The following ZNF346 variants were observed in gnomAD, a reference collection of about 807,000 sequenced individuals.
ZNF346 encodes double-stranded RNA-binding zinc finger protein JAZ.
ZNF346 carries 23 observed loss-of-function variants against 33.7 expected under a neutral mutation model. The observed-to-expected ratio is 0.68, with a 90% CI of 0.49 to 0.97. The LOEUF is 0.97. ZNF346 is among the 50% of genes least tolerant of loss of function. The pLI is 0.00. For synonymous variants in ZNF346, 134 were observed against 142.4 expected, an observed-to-expected ratio of 0.94 and a Z score of 0.42; for missense variants, 340 against 371.1, an observed-to-expected ratio of 0.92 and a Z score of 0.69.
intron 5 of ZNF346, among the ~76,000 whole-genome samples, chr5:177,055,546 C>T (rs1781558473): frequency 1.3e-5 from 2 of 152,146 alleles, no homozygotes; most frequent in Non-Finnish European, 2.9e-5. Context: ...TCCAAAGGAT[C>T]TGTTTCTGAT....
At chr5:177,046,251 A>T (rs547605676) in intron 4 of ZNF346, among the ~76,000 whole-genome samples, 236 of 150,094 alleles carry the variant, frequency 1.6e-3, no homozygotes, top group Non-Finnish European at 3.0e-3. Flanking sequence ...CAGTGAGCTG[A>T]GATCGCACCA....
intron 1 of ZNF346, among the ~76,000 whole-genome samples, chr5:177,038,256 G>GTTTTTT (rs748931641): frequency 2.3e-5 from 3 of 132,222 alleles, no homozygotes; most frequent in Non-Finnish European, 4.8e-5. Context: ...GCCCAACTAC[G>GTTTTTT]TTTTTTTTTT....
chr5:177,073,379 T>C (rs574515490), intron 8 of ZNF346, among the ~76,000 whole-genome samples: 1 of 152,278 alleles, frequency 6.6e-6, no homozygotes, highest in South Asian at 2.1e-4. Flanking sequence ...ACACAGCTCA[T>C]TGCAGCCTCG....
chr5:177,062,913 A>C (rs985270861), intron 6 of ZNF346, among the ~76,000 whole-genome samples: 6 of 152,208 alleles, frequency 3.9e-5, no homozygotes, highest in African/African-American at 1.4e-4. Context: ...TGTCTGGCTC[A>C]CAGCATGCTC....
chr5:177,034,400 G>T (rs772121246), intron 1 of ZNF346, among the ~76,000 whole-genome samples: 2 of 151,574 alleles, frequency 1.3e-5, no homozygotes, highest in Non-Finnish European at 1.5e-5. Flanking sequence ...ATCTTTTTTG[G>T]TTTTTTGTAA....
At chr5:177,068,121 C>T (rs1325551303), downstream of ZNF346, among the ~76,000 whole-genome samples, 1 of 144,204 alleles carries the variant, frequency 6.9e-6, no homozygotes, top group African/African-American at 2.9e-5. Context: ...CCACATGGCC[C>T]CTGCAGCCTG....
intron 1 of ZNF346, among the ~76,000 whole-genome samples, chr5:177,040,447 C>T (rs186697398): frequency 8.5e-5 from 13 of 152,236 alleles, no homozygotes; most frequent in African/African-American, 3.1e-4. Context: ...TGGGTTCAAA[C>T]AATTCTCCTG....
At chr5:177,068,749 G>T (rs1191588225), downstream of ZNF346, among the ~76,000 whole-genome samples, 1 of 142,788 alleles carries the variant, frequency 7.0e-6, no homozygotes, top group Non-Finnish European at 1.5e-5. Flanking sequence ...GAAGAAGGTT[G>T]TAGGGCTCTT....
chr5:177,063,279 G>A lies in ZNF346; in HGVS notation c.797+1128G>A, dbSNP rs905912904. 1.2e-4 allele frequency among the ~76,000 whole-genome samples: 19 copies of A among 152,324 alleles called. No individual in the cohort carries two copies. The South Asian group carries it at 2.1e-3, about 17-fold the overall frequency. ...CTGAGTTTCAGGCAGGCAAGCTGCC[G>A]AAATGATTGCTTTGACTTTGGTCAT... On this transcript the variant is annotated intron_variant, in intron 6 of 6. Coordinates refer to ENST00000358149, the MANE Select transcript of ZNF346 (RefSeq NM_012279.4).
At chr5:177,038,773 G>A (rs1186195948) in intron 1 of ZNF346, among the ~76,000 whole-genome samples, 1 of 152,018 alleles carries the variant, frequency 6.6e-6, no homozygotes, top group Admixed American at 6.6e-5. Flanking sequence ...AGGTGAGGAA[G>A]TGATGACTGA....
rs763882992 is a variant in ZNF346, at chr5:177,022,820, G to A, written c.82G>A (p.Gly28Ser). 8.0e-5 allele frequency: 124 copies of A among 1,541,734 alleles called. No homozygotes were observed. Among genetic ancestry groups the A allele is most frequent in the Non-Finnish European group, 1.0e-4 (115 of 1,144,140 alleles). ...TTACAGCAGCTCGGAGTTGCTGGAG[G>A]GCCAGGAGCCGGACGGGGTGCGCTT... ...GPYSSSELLE[G>S]QEPDGVRFDR... is the part of the protein sequence containing the mutation. The change falls in exon 1 of 7, where the codon GGC becomes AGC. Residue 28 changes from glycine (G) to serine (S), a missense_variant. By Grantham distance (56) the Gly-to-Ser change is moderately conservative. Coordinates refer to ENST00000358149, the MANE Select transcript of ZNF346 (RefSeq NM_012279.4).
At chr5:177,043,623 G>A (rs966764093) in intron 3 of ZNF346, among the ~76,000 whole-genome samples, 6 of 152,052 alleles carry the variant, frequency 3.9e-5, no homozygotes, top group East Asian at 1.9e-4. Flanking sequence ...AAAATTAGCC[G>A]GGTGTGGTGG....
intron 1 of ZNF346, among the ~76,000 whole-genome samples, chr5:177,029,915 C>T (rs1409187372): frequency 6.6e-6 from 1 of 152,160 alleles, no homozygotes; most frequent in African/African-American, 2.4e-5. Flanking sequence ...GGAATAAGCC[C>T]TCAACCTGTA....
chr5:177,035,933 C>T (rs1778440970), intron 1 of ZNF346, among the ~76,000 whole-genome samples: 2 of 151,850 alleles, frequency 1.3e-5, no homozygotes, highest in African/African-American at 4.8e-5. Context: ...GCTACCGCAC[C>T]CGGCCTAATT....
At chr5:177,050,381 A>G (rs766206674) in intron 4 of ZNF346, among the ~76,000 whole-genome samples, 14 of 152,344 alleles carry the variant, frequency 9.2e-5, no homozygotes, top group South Asian at 4.1e-4. Flanking sequence ...TATCCCTGCA[A>G]GAGTGCAAGT....
At chr5:177,054,936 A>G (rs1242629455) in intron 5 of ZNF346, among the ~76,000 whole-genome samples, 1 of 152,134 alleles carries the variant, frequency 6.6e-6, no homozygotes, top group East Asian at 1.9e-4. Flanking sequence ...TTTATGGTAA[A>G]GATACCTTTC....
At chr5:177,034,314 C>T (rs148831451) in intron 1 of ZNF346, among the ~76,000 whole-genome samples, 71 of 151,004 alleles carry the variant, frequency 4.7e-4, no homozygotes, top group African/African-American at 1.7e-3. Context: ...ACCTCCTGGG[C>T]TCAAGTTCAA....
At chr5:177,062,713 T>C (rs1782695044) in intron 6 of ZNF346, among the ~76,000 whole-genome samples, 1 of 152,192 alleles carries the variant, frequency 6.6e-6, no homozygotes, top group Non-Finnish European at 1.5e-5. Context: ...TACCTGTTCA[T>C]GGTAATCTTG....
At chr5:177,022,995 C>T (rs1163867167) in intron 1 of ZNF346, 82 bp downstream of exon 1, 1 of 1,445,566 alleles carries the variant, frequency 6.9e-7, no homozygotes, top group Non-Finnish European at 9.1e-7. Context: ...GACGGTCACA[C>T]CCCCTGGCCC....
Sources: gnomAD v4.1 joint callset for allele counts (sites outside exome capture counted in the v4.1 genomes callset) on GRCh38, gnomAD v4.1.1 for gene constraint, MANE v1.5 for transcripts, NCBI Gene and HGNC (gene_info 2026-07-23, HGNC 2026-07-21) for gene names.